The following APLP2 variants were observed in gnomAD, a reference collection of about 807,000 sequenced individuals.
APLP2 encodes the protein CDEI box-binding protein.
In APLP2, 53 loss-of-function variants were observed where a neutral mutation model predicts 89.9. The observed-to-expected ratio is 0.59, with a 90% CI of 0.47 to 0.74. The LOEUF (loss-of-function observed/expected upper bound fraction) is 0.74. Ranked by LOEUF, APLP2 falls within the 30% of genes least tolerant of loss-of-function variation. The probability of loss-of-function intolerance (pLI) is 0.00; values close to 1 mark genes in which losing one functional copy is unlikely to be tolerated. For synonymous variants in APLP2, 372 were observed against 348.6 expected (o/e 1.07, Z -0.75); for missense variants, 973 against 975.9 (o/e 1.00, Z 0.04).
chr11:130,122,792 A>G (rs1347924509), intron 6 of APLP2, among the ~76,000 whole-genome samples: 1 of 152,176 alleles, frequency 6.6e-6, no homozygotes, highest in African/African-American at 2.4e-5. Context: ...ATTCTTCCAC[A>G]TTCATCCTAA....
At chr11:130,125,001 AG>A (rs1361187975) in intron 7 of APLP2, among the ~76,000 whole-genome samples, 1 of 152,330 alleles carries the variant, frequency 6.6e-6, no homozygotes, top group East Asian at 1.9e-4. Context: ...ATGGAGTGGC[AG>A]GTCTGTAAAA....
At position 130,121,858 on chromosome 11, in the gene APLP2, C is replaced by T. The variant is rs769900114; in HGVS notation, c.713+48C>T. The T allele has an allele frequency of 2.5e-6, 4 of 1,583,772 alleles. No individual in the cohort carries two copies. In the South Asian group the frequency reaches 4.6e-5, roughly 18 times the overall value. On this transcript the variant is annotated intron_variant, in intron 5 of 16. Transcript: ENST00000338167. Reference sequence around the variant, plus strand: ...TGAAGTCGTTTTGCCTTTTTGTTAGCCCTTCTGTAAAGACGGCTGTTGGCT... The same window carrying T: ...TGAAGTCGTTTTGCCTTTTTGTTAGTCCTTCTGTAAAGACGGCTGTTGGCT...
Position 130,143,644 on chromosome 11 carries a change from T to C in APLP2, c.*196T>C. Reference sequence around the variant, plus strand: ...TTTAAATGGGTGAAAAATGGTAATATAACAATATATGATATATAAACCTTA... The same window carrying C: ...TTTAAATGGGTGAAAAATGGTAATACAACAATATATGATATATAAACCTTA... On this transcript the variant is annotated 3_prime_UTR_variant, in exon 17 of 17. Coordinates refer to ENST00000338167, the MANE Select transcript of APLP2 (RefSeq NM_001142276.2). The C allele has an allele frequency of 1.8e-6, 1 of 558,768 alleles. No individual in the cohort carries two copies. Among genetic ancestry groups the C allele is most frequent in the Middle Eastern group, 4.8e-4 (1 of 2,064 alleles). 34.6% of individuals were successfully genotyped at this position (558,768 alleles called of 1,614,324 possible).
At chr11:130,070,641 G>C (rs922182002) in intron 1 of APLP2, 2 of 1,463,008 alleles carry the variant, frequency 1.4e-6, no homozygotes, top group African/African-American at 2.9e-5. Context: ...GAGCTCCCGC[G>C]CCAGGCCGCC....
chr11:130,087,266 A>T (rs925490250), intron 1 of APLP2, among the ~76,000 whole-genome samples: 6 of 152,226 alleles, frequency 3.9e-5, no homozygotes, highest in African/African-American at 1.4e-4. Context: ...GAAGACCTGC[A>T]GTCTGCAGGC....
chr11:130,086,566 G>T (rs929938502), intron 1 of APLP2, among the ~76,000 whole-genome samples: 1 of 152,072 alleles, frequency 6.6e-6, no homozygotes, highest in African/African-American at 2.4e-5. Flanking sequence ...TGTAGTTTTG[G>T]TGTCATTTTT....
intron 1 of APLP2, among the ~76,000 whole-genome samples, chr11:130,094,262 A>G (rs988863190): frequency 1.3e-5 from 2 of 151,358 alleles, no homozygotes; most frequent in Non-Finnish European, 2.9e-5. Context: ...CATGTTGGTC[A>G]GGCTGTTCTC....
At chr11:130,081,695 A>G (rs557031381) in intron 1 of APLP2, among the ~76,000 whole-genome samples, 3 of 152,230 alleles carry the variant, frequency 2.0e-5, no homozygotes, top group African/African-American at 4.8e-5. Context: ...AGAATCCCCA[A>G]ATAACATGCA....
chr11:130,127,625 G>A (rs1950525484), intron 8 of APLP2, 141 bp from the exon 9 acceptor site: 1 of 688,414 alleles, frequency 1.5e-6, no homozygotes, highest in African/African-American at 1.8e-5. Flanking sequence ...CAGTAACAAT[G>A]CTAAGCTCCT....
At chr11:130,132,358 CTT>C (rs929443939) in intron 11 of APLP2, among the ~76,000 whole-genome samples, 1 of 151,458 alleles carries the variant, frequency 6.6e-6, no homozygotes, top group Non-Finnish European at 1.5e-5. Flanking sequence ...TTCCATTTAG[CTT>C]TTTTTTTCAT....
intron 1 of APLP2, among the ~76,000 whole-genome samples, chr11:130,095,814 T>G (rs1020589100): frequency 6.6e-6 from 1 of 152,246 alleles, no homozygotes; most frequent in Non-Finnish European, 1.5e-5. Context: ...GATACTAGTT[T>G]AGTGCAGTAT....
chr11:130,098,114 C>T (rs1292125079), intron 1 of APLP2, among the ~76,000 whole-genome samples: 1 of 152,140 alleles, frequency 6.6e-6, no homozygotes, highest in Non-Finnish European at 1.5e-5. Flanking sequence ...TATATTAAAA[C>T]ATGGATATTT....
Position 130,141,330 on chromosome 11 carries a change from T to G in APLP2, c.1924-168T>G. The G allele has an allele frequency of 1.6e-6, 1 of 617,810 alleles. No homozygotes were observed. The highest frequency in any genetic ancestry group is 2.9e-6 in the Non-Finnish European group (1 of 342,582). 38.3% of individuals were successfully genotyped at this position (617,810 alleles called of 1,614,324 possible). A position where few individuals can be genotyped will look rare whatever the true frequency, so the allele number is the denominator to read the frequency against. Reference sequence around the variant, plus strand: ...TCCATACCTGCCCCTTCATTAGGGGTTTGGGGAGTGGATTTGGAAGGCTGT... The same window carrying G: ...TCCATACCTGCCCCTTCATTAGGGGGTTGGGGAGTGGATTTGGAAGGCTGT... On this transcript the variant is annotated intron_variant, in intron 14 of 16. Coordinates refer to ENST00000338167, the MANE Select transcript of APLP2 (RefSeq NM_001142276.2). This position sits in a 1 kb window ranked among gnomAD's most constrained non-coding sequence, Gnocchi z 4.2.
chr11:130,123,524 C>A lies in APLP2; in HGVS notation c.923-88C>A. On this transcript the variant is annotated intron_variant, in intron 6 of 16. Coordinates refer to ENST00000338167, the MANE Select transcript of APLP2 (RefSeq NM_001142276.2). This position sits in a 1 kb window ranked among gnomAD's most constrained non-coding sequence, Gnocchi z 4.0. The stretch of plus-strand genomic sequence containing the variant: ...CGTCCAGTCTCAGGCCTCCCCCAGC[C>A]CATCCCCCAGCTCGCCAGCCTGTAG... The A allele has an allele frequency of 1.4e-6, 2 of 1,416,146 alleles. No homozygotes were observed. Among genetic ancestry groups the A allele is most frequent in the Non-Finnish European group, 1.9e-6 (2 of 1,043,554 alleles). 87.7% of individuals were successfully genotyped at this position (1,416,146 alleles called of 1,614,324 possible). A position where few individuals can be genotyped will look rare whatever the true frequency, so the allele number is the denominator to read the frequency against.
At chr11:130,098,748 T>C (rs539936302) in intron 1 of APLP2, among the ~76,000 whole-genome samples, 1 of 152,346 alleles carries the variant, frequency 6.6e-6, no homozygotes, top group South Asian at 2.1e-4. Flanking sequence ...GCTTAATGCA[T>C]ATAAAAACAA....
At chr11:130,079,613 A>G (rs1305722416) in intron 1 of APLP2, among the ~76,000 whole-genome samples, 2 of 152,238 alleles carry the variant, frequency 1.3e-5, no homozygotes, top group African/African-American at 4.8e-5. Context: ...TGTATCCAGT[A>G]ATCTTGCTAA....
At chr11:130,140,949 G>A (rs1591856904) in intron 14 of APLP2, 1 of 140,596 alleles carries the variant, frequency 7.1e-6, no homozygotes, top group African/African-American at 2.8e-5. Context: ...CTTTGTCACC[G>A]AGGCTGGAGT....
At position 130,144,169 on chromosome 11, in the gene APLP2, A is replaced by G. The variant is rs544237652; in HGVS notation, c.*721A>G. On this transcript the variant is annotated 3_prime_UTR_variant, in exon 17 of 17. Coordinates refer to ENST00000338167, the MANE Select transcript of APLP2 (RefSeq NM_001142276.2). ...CCGCTGCTGCTTTCCTTCGGAATCC[A>G]GTGCTTCCACAGAGATTAGCCTGTA... The G allele has an allele frequency of 1.3e-5, 2 of 152,368 alleles. No individual in the cohort carries two copies. Among genetic ancestry groups the G allele is most frequent in the African/African-American group, 4.8e-5 (2 of 41,568 alleles). The allele number at this position is 152,368 out of a possible 1,614,324, so 9.4% of individuals were successfully genotyped here.
At position 130,121,582 on chromosome 11, in the gene APLP2, A is replaced by G. The variant is rs752641528; in HGVS notation, c.517-32A>G. On this transcript the variant is annotated intron_variant, in intron 4 of 16. Transcript: ENST00000338167. The stretch of plus-strand genomic sequence containing the variant: ...TATTTGACCACGTTTACTCTGGAGT[A>G]TGTTCTGATGTGGCCTGTGGGTTTC... 6 of 1,584,724 alleles carry G rather than the reference A, an allele frequency of 3.8e-6. No individual in the cohort carries two copies. In the African/African-American group the frequency reaches 4.1e-5, roughly 11 times the overall value.
Sources: gnomAD v4.1 joint callset for allele counts (sites outside exome capture counted in the v4.1 genomes callset) on GRCh38, gnomAD v4.1.1 for gene constraint, Gnocchi (gnomAD v3.1) non-coding constraint, MANE v1.5 for transcripts, NCBI Gene and HGNC (gene_info 2026-07-23, HGNC 2026-07-21) for gene names.